Variants in CUX2 observed in about 807,000 individuals in gnomAD.
The protein encoded by CUX2 is homeobox protein cut-like 2.
CUX2 carries 40 observed loss-of-function variants against 144.8 expected under a neutral mutation model. That is an observed-to-expected ratio of 0.28 (90% CI 0.21 to 0.36). The LOEUF (loss-of-function observed/expected upper bound fraction) is 0.36, where lower values mean the gene tolerates loss of function less well. Ranked by LOEUF, CUX2 falls within the 10% of genes least tolerant of loss-of-function variation. CUX2 has a pLI of 1.00. For synonymous variants in CUX2, 827 were observed against 875.6 expected (o/e 0.94, Z 0.98); for missense variants, 1,615 against 1,994.0 (o/e 0.81, Z 3.62).
Position 111,304,060 on chromosome 12 carries a change from C to CA in CUX2, c.754-149dup. 1 of 610,110 alleles carries CA rather than the reference C, an allele frequency of 1.6e-6. No individual in the cohort carries two copies. Among genetic ancestry groups the CA allele is most frequent in the East Asian group, 2.8e-5 (1 of 35,538 alleles). The allele number at this position is 610,110 out of a possible 1,614,324, so 37.8% of individuals were successfully genotyped here. On this transcript the variant is annotated intron_variant, in intron 9 of 21. Transcript: ENST00000261726. The surrounding 1 kb of genome is among the most constrained non-coding windows in gnomAD (Gnocchi z 4.7). ...CAGACAGGGCTCTGTGACTGGTCTT[C>CA]ATAGCTCCAGGACAGGGTCCGGGAC...
intron 10 of CUX2, among the ~76,000 whole-genome samples, chr12:111,306,526 C>T (rs1886591227): frequency 6.6e-6 from 1 of 152,032 alleles, no homozygotes; most frequent in South Asian, 2.1e-4. Flanking sequence ...TGGTCCGTGG[C>T]TCCAAGGTGT....
chr12:111,253,932 G>A (rs1315479790), intron 3 of CUX2, among the ~76,000 whole-genome samples: 2 of 150,556 alleles, frequency 1.3e-5, no homozygotes, highest in Non-Finnish European at 2.9e-5. Context: ...GTTTCACTAT[G>A]TTGGCCAGGC....
chr12:111,215,723 A>G (rs965154160), intron 2 of CUX2, among the ~76,000 whole-genome samples: 2 of 152,140 alleles, frequency 1.3e-5, no homozygotes, highest in Non-Finnish European at 2.9e-5. Context: ...CAGGAATCAG[A>G]GCTGAATCGG....
chr12:111,292,400 A>G (rs193088315), intron 5 of CUX2, among the ~76,000 whole-genome samples: 3,334 of 151,706 alleles, frequency 0.022, 64 homozygotes, highest in Non-Finnish European at 0.037. Flanking sequence ...GACCAGCCTG[A>G]CCAATATGGT....
chr12:111,292,625 G>GA (rs972088680), intron 5 of CUX2, among the ~76,000 whole-genome samples: 4 of 152,062 alleles, frequency 2.6e-5, no homozygotes, highest in Non-Finnish European at 5.9e-5. Flanking sequence ...GTGCTGAGTG[G>GA]AAAATGCCAG....
chr12:111,043,870 A>C lies in CUX2; in HGVS notation c.63+9630A>C, dbSNP rs1051752841. ...CGAGACAGAAATGGTAGTAGGAGAA[A>C]GGGCATTCCATGAGAATGCATCTTG... is the stretch of plus-strand genomic sequence containing the variant. On this transcript the variant is annotated intron_variant, in intron 1 of 21. Coordinates refer to ENST00000261726, the MANE Select transcript of CUX2 (RefSeq NM_015267.4). 1.1e-4 allele frequency among the ~76,000 whole-genome samples: 16 copies of C among 152,210 alleles called. 1 individual carries two copies. Among genetic ancestry groups the C allele is most frequent in the African/African-American group, 3.9e-4 (16 of 41,454 alleles).
At chr12:111,306,866 C>T (rs1003335802) in intron 10 of CUX2, 55 bp from the exon 11 acceptor site, 3 of 1,449,216 alleles carry the variant, frequency 2.1e-6, no homozygotes, top group Non-Finnish European at 2.8e-6. Flanking sequence ...GGAGGCCAGA[C>T]CTGTGGACCC....
chr12:111,151,845 G>A (rs897423175), intron 1 of CUX2, among the ~76,000 whole-genome samples: 7 of 152,142 alleles, frequency 4.6e-5, no homozygotes, highest in African/African-American at 1.7e-4. Flanking sequence ...CTGATGATTG[G>A]GATTCCTGTT....
intron 2 of CUX2, among the ~76,000 whole-genome samples, chr12:111,217,336 C>A (rs1286544309): frequency 2.6e-5 from 4 of 152,170 alleles, no homozygotes; most frequent in Non-Finnish European, 5.9e-5. Context: ...GTCAGTTACA[C>A]AAGTGGCATT....
chr12:111,124,674 C>T (rs1874924328), intron 1 of CUX2, among the ~76,000 whole-genome samples: 1 of 152,116 alleles, frequency 6.6e-6, no homozygotes, highest in African/African-American at 2.4e-5. Context: ...TCAGGGGGTA[C>T]ATGTGCAGGT....
At position 111,054,423 on chromosome 12, in the gene CUX2, C is replaced by G. The variant is rs117287368; in HGVS notation, c.63+20183C>G. 4.1e-3 allele frequency among the ~76,000 whole-genome samples: 618 copies of G among 152,320 alleles called. 25 individuals carry two copies. The East Asian group carries it at 0.074, about 18-fold the overall frequency. On this transcript the variant is annotated intron_variant, in intron 1 of 21. Transcript: ENST00000261726. ...TGGAGGTGACTCTGCCTTCTCTGGC[C>G]TCAGTATAGCCATTCCAGATAATGG...
At chr12:111,239,090 T>G (rs1213634008) in intron 3 of CUX2, among the ~76,000 whole-genome samples, 1 of 152,070 alleles carries the variant, frequency 6.6e-6, no homozygotes, top group South Asian at 2.1e-4. Flanking sequence ...GTGCAGACAC[T>G]CAGGCACAGA....
At position 111,178,084 on chromosome 12, in the gene CUX2, C is replaced by T. The variant is rs974412216; in HGVS notation, c.64-36116C>T. Among the ~76,000 whole-genome samples the T allele has an allele frequency of 3.9e-5, 6 of 152,146 alleles. No homozygotes were observed. Among genetic ancestry groups the T allele is most frequent in the Admixed American group, 1.3e-4 (2 of 15,272 alleles). On this transcript the variant is annotated intron_variant, in intron 1 of 21. Transcript: ENST00000261726. The surrounding 1 kb of genome is among the most constrained non-coding windows in gnomAD (Gnocchi z 5.7). ...GTGGTTCTGTGTAAAAACACTGGGTCGAGCATCTTTTTTCCAGAAACCCTG... is the reference window on the plus strand; with the variant it reads ...GTGGTTCTGTGTAAAAACACTGGGTTGAGCATCTTTTTTCCAGAAACCCTG...
At chr12:111,040,816 G>A (rs1202055648) in intron 1 of CUX2, among the ~76,000 whole-genome samples, 3 of 152,136 alleles carry the variant, frequency 2.0e-5, no homozygotes, top group Non-Finnish European at 2.9e-5. Flanking sequence ...GCATGAAACA[G>A]CCACAATGAG....
intron 1 of CUX2, among the ~76,000 whole-genome samples, chr12:111,210,634 A>G (rs547310541): frequency 7.9e-5 from 12 of 152,174 alleles, no homozygotes; most frequent in South Asian, 2.1e-4. Context: ...CTCTACCCCA[A>G]AAAAATGCAA....
chr12:111,347,473 G>A, intron 21 of CUX2, 51 bp from the exon 22 acceptor site: 2 of 1,511,612 alleles, frequency 1.3e-6, no homozygotes, highest in Non-Finnish European at 1.8e-6. Context: ...TGGAGTCCAG[G>A]GTTTGGGAGT....
At chr12:111,267,236 G>A (rs563710410) in intron 4 of CUX2, among the ~76,000 whole-genome samples, 1 of 151,470 alleles carries the variant, frequency 6.6e-6, no homozygotes, top group South Asian at 2.1e-4. Flanking sequence ...GGGAGGGAGG[G>A]AGGAAGGAAG....
chr12:111,309,982 T>A, intron 14 of CUX2, 59 bp from the exon 15 acceptor site: 1 of 1,262,030 alleles, frequency 7.9e-7, no homozygotes, highest in Non-Finnish European at 1.0e-6. Flanking sequence ...CCTGTCTCTC[T>A]CTCCCCTCAT....
chr12:111,049,543 G>T (rs997664531), intron 1 of CUX2, among the ~76,000 whole-genome samples: 1 of 152,254 alleles, frequency 6.6e-6, no homozygotes, highest in African/African-American at 2.4e-5. Flanking sequence ...GGGAACAAGA[G>T]GGGAGACAAA....
Sources: allele counts gnomAD v4.1 joint callset (sites outside exome capture counted in the v4.1 genomes callset), GRCh38; gene constraint gnomAD v4.1.1; non-coding constraint Gnocchi (gnomAD v3.1); transcripts MANE v1.5; gene names NCBI Gene and HGNC (gene_info 2026-07-23, HGNC 2026-07-21).